Variants in NAALADL2 observed in about 807,000 individuals in gnomAD.
NAALADL2 encodes the protein inactive N-acetylated-alpha-linked acidic dipeptidase-like protein 2.
A neutral mutation model predicts 87.2 loss-of-function variants in NAALADL2; 76 were observed. The observed-to-expected ratio is 0.87, with a 90% CI of 0.72 to 1.05. NAALADL2 has a LOEUF of 1.05. Among genes scored for constraint, NAALADL2 ranks in the 50% least tolerant of loss-of-function variants. The pLI, the probability that NAALADL2 is intolerant of heterozygous loss-of-function variation, is 0.00. For missense variants in NAALADL2, 1,089 were observed against 945.8 expected (o/e 1.15, Z -1.99); for synonymous variants, 354 against 331.0 (o/e 1.07, Z -0.75).
intron 1 of NAALADL2, among the ~76,000 whole-genome samples, chr3:175,085,715 C>T (rs535648464): frequency 4.6e-5 from 7 of 152,020 alleles, no homozygotes; most frequent in African/African-American, 9.7e-5. Flanking sequence ...GTCAAGAGAT[C>T]GAGACCATCC....
chr3:175,799,735 TAAGTC>T (rs772636943), intron 13 of NAALADL2, among the ~76,000 whole-genome samples: 41 of 152,124 alleles, frequency 2.7e-4, no homozygotes, highest in Non-Finnish European at 4.7e-4. Flanking sequence ...TCTCACTATT[TAAGTC>T]ATTTTGAGAT....
intron 11 of NAALADL2, among the ~76,000 whole-genome samples, chr3:175,703,108 C>T (rs942488154): frequency 1.3e-5 from 2 of 152,116 alleles, no homozygotes; most frequent in African/African-American, 4.8e-5. Context: ...CTGGAGATCT[C>T]ATCTGGGGTT....
intron 1 of NAALADL2, among the ~76,000 whole-genome samples, chr3:174,908,021 GTTT>G (rs35051279): frequency 0.038 from 3,119 of 82,522 alleles, 68 homozygotes; most frequent in African/African-American, 0.14. Context: ...AGAGAAGTTG[GTTT>G]TTTTTTTTTT....
At chr3:175,636,453 T>A (rs1006066131) in intron 11 of NAALADL2, among the ~76,000 whole-genome samples, 3 of 151,798 alleles carry the variant, frequency 2.0e-5, no homozygotes, top group Non-Finnish European at 2.9e-5. Context: ...AATCCCAGAA[T>A]TTTGGGAGGC....
At chr3:175,565,256 A>C (rs1389241982) in intron 9 of NAALADL2, among the ~76,000 whole-genome samples, 5 of 152,334 alleles carry the variant, frequency 3.3e-5, no homozygotes, top group Admixed American at 2.0e-4. Flanking sequence ...AAAATGAAAT[A>C]AAAAGAACTC....
At chr3:175,625,517 G>A (rs767446965) in intron 10 of NAALADL2, among the ~76,000 whole-genome samples, 8 of 151,960 alleles carry the variant, frequency 5.3e-5, no homozygotes, top group Non-Finnish European at 1.2e-4. Context: ...CATTTAAACT[G>A]TGCGTAGTGT....
intron 2 of NAALADL2, among the ~76,000 whole-genome samples, chr3:174,725,480 G>A (rs1318651546): frequency 6.6e-6 from 1 of 152,064 alleles, no homozygotes. Context: ...AAAATTCCAA[G>A]GGTAATGACG....
intron 3 of NAALADL2, among the ~76,000 whole-genome samples, chr3:174,783,247 C>T (rs1162606112): frequency 6.6e-6 from 1 of 152,120 alleles, no homozygotes; most frequent in Non-Finnish European, 1.5e-5. Flanking sequence ...CTTGAGGGCC[C>T]TAGTGGGGTA....
At chr3:174,796,767 C>T (rs1045806483) in intron 3 of NAALADL2, among the ~76,000 whole-genome samples, 8 of 151,956 alleles carry the variant, frequency 5.3e-5, no homozygotes, top group Non-Finnish European at 7.4e-5. Flanking sequence ...TTTTGTTGGC[C>T]ATTTGTATGT....
intron 11 of NAALADL2, among the ~76,000 whole-genome samples, chr3:175,710,290 C>T (rs541370484): frequency 6.6e-6 from 1 of 151,998 alleles, no homozygotes; most frequent in South Asian, 2.1e-4. Flanking sequence ...AGATGTCAGA[C>T]AGTTGAGACA....
At chr3:174,805,259 A>C (rs558825550) in intron 3 of NAALADL2, among the ~76,000 whole-genome samples, 1 of 152,138 alleles carries the variant, frequency 6.6e-6, no homozygotes, top group African/African-American at 2.4e-5. Flanking sequence ...TAAAAGAATG[A>C]CATGTATTTA....
At chr3:175,561,797 C>A (rs893690415) in intron 9 of NAALADL2, among the ~76,000 whole-genome samples, 16 of 152,110 alleles carry the variant, frequency 1.1e-4, no homozygotes, top group East Asian at 3.9e-4. Flanking sequence ...TAACATATGA[C>A]TTTTAGGAGG....
intron 1 of NAALADL2, among the ~76,000 whole-genome samples, chr3:174,501,077 AT>A (rs71624286): frequency 0.43 from 47,033 of 109,584 alleles, 7,438 homozygotes; most frequent in South Asian, 0.53. Context: ...ATAGGTCTCA[AT>A]TTTTTTTTTT....
chr3:175,024,692 G>A (rs1560488634), intron 1 of NAALADL2, among the ~76,000 whole-genome samples: 3 of 151,750 alleles, frequency 2.0e-5, no homozygotes. Flanking sequence ...CAGGATATCA[G>A]AGTGAAAAAG....
At chr3:175,322,583 C>T (rs13089313) in intron 4 of NAALADL2, among the ~76,000 whole-genome samples, 8,825 of 68,096 alleles carry the variant, frequency 0.13, 727 homozygotes, top group East Asian at 0.3. Context: ...TTTCGCAACC[C>T]ACTCATCTGA....
intron 1 of NAALADL2, among the ~76,000 whole-genome samples, chr3:175,040,008 T>C (rs1404014211): frequency 7.2e-5 from 11 of 152,162 alleles, no homozygotes; most frequent in Non-Finnish European, 1.6e-4. Flanking sequence ...ACAAAAAAGA[T>C]ATACACATGC....
At position 175,124,463 on chromosome 3, in the gene NAALADL2, T is replaced by G. The variant is rs565457501; in HGVS notation, c.545+27172T>G. ...ACAGATCTAGGCATCTAAGCAGGAA[T>G]AGGAGAGGAAAGGCAACTGTAGCCA... On this transcript the variant is annotated intron_variant, in intron 2 of 13. Transcript: ENST00000454872. 127 of 152,032 alleles carry G rather than the reference T, an allele frequency of 8.4e-4. 1 individual carries two copies. Among genetic ancestry groups the G allele is most frequent in the African/African-American group, 2.7e-3 (114 of 41,518 alleles). The allele number at this position is 152,032 out of a possible 1,614,324, so 9.4% of individuals were successfully genotyped here.
At chr3:175,441,973 G>A (rs112334148) in intron 5 of NAALADL2, among the ~76,000 whole-genome samples, 2 of 151,738 alleles carry the variant, frequency 1.3e-5, no homozygotes, top group Admixed American at 6.6e-5. Context: ...ATGGAGTCTC[G>A]CTCTTTTGCC....
chr3:174,752,098 C>T (rs997787567), intron 3 of NAALADL2, among the ~76,000 whole-genome samples: 1 of 152,038 alleles, frequency 6.6e-6, no homozygotes, highest in Non-Finnish European at 1.5e-5. Flanking sequence ...CTGCCTCAGC[C>T]TCTCGAGTAG....
Sources: allele counts gnomAD v4.1 joint callset (sites outside exome capture counted in the v4.1 genomes callset), GRCh38; gene constraint gnomAD v4.1.1; transcripts MANE v1.5; gene names NCBI Gene and HGNC (gene_info 2026-07-23, HGNC 2026-07-21).